NRDE2: variants seen among roughly 807,000 people sequenced by gnomAD.
NRDE2 encodes the protein NRDE-2, necessary for RNA interference, domain containing.
In NRDE2, 76 loss-of-function variants were observed where a neutral mutation model predicts 124.2. The observed-to-expected ratio is 0.61, with a 90% CI of 0.51 to 0.74. The LOEUF is 0.74. Among genes scored for constraint, NRDE2 ranks in the 30% least tolerant of loss-of-function variants. The pLI is 0.00. For missense variants in NRDE2, 1,314 were observed against 1,417.3 expected (o/e 0.93, Z 1.17); for synonymous variants, 489 against 528.1 (o/e 0.93, Z 1.01).
chr14:90,306,146 T>C (rs1884592184), intron 4 of NRDE2, among the ~76,000 whole-genome samples: 1 of 152,338 alleles, frequency 6.6e-6, no homozygotes, highest in African/African-American at 2.4e-5. Flanking sequence ...TTGCTGTATA[T>C]TAAAATTTTT....
rs373608673 is a variant in NRDE2 at position 90,288,719 on chromosome 14, A to C, written c.2656T>G (p.Leu886Val). 1.9e-6 allele frequency: 3 copies of C among 1,614,104 alleles called. No individual in the cohort carries two copies. Among genetic ancestry groups the C allele is most frequent in the Non-Finnish European group, 2.5e-6 (3 of 1,180,048 alleles). Residue 886 changes from leucine to valine, a missense_variant, in exon 11 of 14, where the codon TTG becomes GTG. Transcript: ENST00000354366. ...GGATTGGAGACACAGCTGTCACCCA[A>C]ACAGTCCTGCAGTGCGTGCTCATAA... is the stretch of plus-strand genomic sequence containing the variant. The part of the protein sequence containing the change: ...KAYEHALQDC[L>V]GDSCVSNPAP...
chr14:90,269,318 C>A lies in NRDE2; in HGVS notation c.*9018G>T. ...GAATGTTTGTTAAGGTGTTTTGTCA[C>A]AATGAGGTCTTTGCTGTAATTCCCC... On this transcript the variant is annotated 3_prime_UTR_variant, in exon 14 of 14. Coordinates refer to ENST00000354366, the MANE Select transcript of NRDE2 (RefSeq NM_017970.4). 1 of 1,276,860 alleles carries A rather than the reference C, an allele frequency of 7.8e-7. No individual in the cohort carries two copies. The highest frequency in any genetic ancestry group is 1.1e-6 in the Non-Finnish European group (1 of 923,620). The allele number at this position is 1,276,860 out of a possible 1,614,324, so 79.1% of individuals were successfully genotyped here.
chr14:90,322,630 T>G (rs954572204), intron 1 of NRDE2, among the ~76,000 whole-genome samples: 4 of 152,216 alleles, frequency 2.6e-5, no homozygotes, highest in Non-Finnish European at 5.9e-5. Context: ...TTACATAAGT[T>G]AATGAATACC....
At position 90,303,454 on chromosome 14, in the gene NRDE2, T is replaced by G. The variant is rs74453747; in HGVS notation, c.1006-329A>C. On this transcript the variant is annotated intron_variant, in intron 5 of 13. Coordinates refer to ENST00000354366, the MANE Select transcript of NRDE2 (RefSeq NM_017970.4). Reference sequence around the variant, plus strand: ...TGTGGCACAAAATATGGTAATTGTATGAGTGGTTCAAAATTAGGGATTCAG... The same window carrying G: ...TGTGGCACAAAATATGGTAATTGTAGGAGTGGTTCAAAATTAGGGATTCAG... Among the ~76,000 whole-genome samples the G allele has an allele frequency of 3.4e-3, 517 of 152,360 alleles. 3 individuals carry two copies. Among genetic ancestry groups the G allele is most frequent in the African/African-American group, 0.012 (504 of 41,588 alleles).
rs1891777801 is a variant in NRDE2 at position 90,275,245 on chromosome 14, G to GGACAT, written c.*3086_*3090dup. ...TCCTGAACTGGATCCTTTTCCTAGA[G>GGACAT]GACATGACTGGGCCTGAGGACCTGC... On this transcript the variant is annotated 3_prime_UTR_variant, in exon 14 of 14. Transcript: ENST00000354366. The GGACAT allele has an allele frequency of 1.3e-5, 2 of 152,152 alleles. No homozygotes were observed. The allele number at this position is 152,152 out of a possible 1,614,324, so 9.4% of individuals were successfully genotyped here.
Position 90,272,218 on chromosome 14 carries a change from T to G in NRDE2, c.*6118A>C. ...CTCAGAATAGGTTTTTTGGAATTCC[T>G]TGTTAGAATAAAAATGAGTATGTCA... On this transcript the variant is annotated 3_prime_UTR_variant, in exon 14 of 14. Coordinates refer to ENST00000354366, the MANE Select transcript of NRDE2 (RefSeq NM_017970.4). The surrounding 1 kb of genome is among the most constrained non-coding windows in gnomAD (Gnocchi z 4.5). 6.3e-7 allele frequency: 1 copy of G among 1,588,752 alleles called. No individual in the cohort carries two copies.
At chr14:90,317,731 A>G (rs1203062693) in intron 2 of NRDE2, 1 of 299,990 alleles carries the variant, frequency 3.3e-6, no homozygotes, top group African/African-American at 2.2e-5. Flanking sequence ...AAAGGTTACT[A>G]ATGAGGCTAG....
chr14:90,269,568 C>T lies in NRDE2; in HGVS notation c.*8768G>A, dbSNP rs1363771827. ...GACCAGGTTAAATTTGCTTTGGTTT[C>T]ATCATGGAGATTAATGTGTTTATAT... On this transcript the variant is annotated 3_prime_UTR_variant, in exon 14 of 14. Transcript: ENST00000354366. 6.2e-7 allele frequency: 1 copy of T among 1,610,294 alleles called. No homozygotes were observed. The highest frequency in any genetic ancestry group is 1.1e-5 in the South Asian group (1 of 90,522).
At chr14:90,303,218 G>T in intron 5 of NRDE2, 93 bp from the exon 6 acceptor site, 1 of 1,226,676 alleles carries the variant, frequency 8.2e-7, no homozygotes, top group Non-Finnish European at 1.1e-6. Flanking sequence ...CACCCCCTAG[G>T]GACTTTCTTA....
rs781278602 is a variant in NRDE2 at position 90,277,583 on chromosome 14, G to C, written c.*753C>G. 2.0e-5 allele frequency: 3 copies of C among 152,348 alleles called. No homozygotes were observed. The highest frequency in any genetic ancestry group is 7.2e-5 in the African/African-American group (3 of 41,466). 9.4% of individuals were successfully genotyped at this position (152,348 alleles called of 1,614,324 possible). A position where few individuals can be genotyped will look rare whatever the true frequency, so the allele number is the denominator to read the frequency against. On this transcript the variant is annotated 3_prime_UTR_variant, in exon 14 of 14. Transcript: ENST00000354366. ...AGCAGCGTTGCTGCACAAGCGTGCC[G>C]GGCCCCTCATGCAGGCAGGGCTGGG...
At chr14:90,283,606 C>T (rs1439546935) in intron 12 of NRDE2, among the ~76,000 whole-genome samples, 1 of 152,196 alleles carries the variant, frequency 6.6e-6, no homozygotes, top group African/African-American at 2.4e-5. Flanking sequence ...ACAGCAGCAT[C>T]CTGCCTGCAA....
At chr14:90,284,662 C>T (rs1238907434) in intron 12 of NRDE2, among the ~76,000 whole-genome samples, 1 of 152,192 alleles carries the variant, frequency 6.6e-6, no homozygotes, top group Non-Finnish European at 1.5e-5. Flanking sequence ...AGCCACCACA[C>T]CTGGCCAGGA....
At chr14:90,294,016 C>A (rs773356135) in intron 8 of NRDE2, among the ~76,000 whole-genome samples, 3 of 152,170 alleles carry the variant, frequency 2.0e-5, no homozygotes, top group Admixed American at 6.5e-5. Flanking sequence ...CAGCTTCATG[C>A]ATAATCGCCA....
chr14:90,272,257 CTCT>C lies in NRDE2; in HGVS notation c.*6076_*6078del, dbSNP rs780656977. ...ATGAGTATGTCACTTTCTGAACACA[CTCT>C]TCTTTCTTACAGGCAATCTGTACAG... is the stretch of plus-strand genomic sequence containing the variant. On this transcript the variant is annotated 3_prime_UTR_variant, in exon 14 of 14. Coordinates refer to ENST00000354366, the MANE Select transcript of NRDE2 (RefSeq NM_017970.4). The surrounding 1 kb of genome is among the most constrained non-coding windows in gnomAD (Gnocchi z 4.5). 10 of 1,601,244 alleles carry C rather than the reference CTCT, an allele frequency of 6.2e-6. No homozygotes were observed. The South Asian group carries it at 9.0e-5, about 14-fold the overall frequency.
chr14:90,306,259 A>G (rs1884597136), intron 4 of NRDE2, among the ~76,000 whole-genome samples: 1 of 152,214 alleles, frequency 6.6e-6, no homozygotes, highest in Non-Finnish European at 1.5e-5. Context: ...ACCTTGGTTC[A>G]GGGCCGGGCT....
In NRDE2 at chr14:90,273,016, T is replaced by A. The variant is rs569179578; in HGVS notation, c.*5320A>T. The A allele has an allele frequency of 6.6e-6, 1 of 152,194 alleles. No individual in the cohort carries two copies. The highest frequency in any genetic ancestry group is 1.9e-4 in the East Asian group (1 of 5,190). The allele number at this position is 152,194 out of a possible 1,614,324, so 9.4% of individuals were successfully genotyped here. On this transcript the variant is annotated 3_prime_UTR_variant, in exon 14 of 14. Coordinates refer to ENST00000354366, the MANE Select transcript of NRDE2 (RefSeq NM_017970.4). Reference sequence around the variant, plus strand: ...ATATCTTGAAAGCCCTTCTGAGCCCTTGGGCTCAGAAATCTCATCCCTTTC... The same window carrying A: ...ATATCTTGAAAGCCCTTCTGAGCCCATGGGCTCAGAAATCTCATCCCTTTC...
chr14:90,289,051 T>G lies in NRDE2; in HGVS notation c.2324A>C (p.Glu775Ala). The G allele has an allele frequency of 6.2e-7, 1 of 1,614,192 alleles. No individual in the cohort carries two copies. Among genetic ancestry groups the G allele is most frequent in the Non-Finnish European group, 8.5e-7 (1 of 1,180,010 alleles). The change falls in exon 11 of 14, where the codon GAA becomes GCA. Residue 775 changes from glutamate (E) to alanine (A), a missense_variant. Physicochemically the swap from Glu to Ala is moderately radical, Grantham distance 107. Transcript: ENST00000354366. ...CCACAGGCAAAAGTTGTTGCAGTTT[T>G]CTGGCTCCTTAAGGAGATTCTTGGC... is the stretch of plus-strand genomic sequence containing the variant. ...KLAKNLLKEP[E>A]NCNNFCLWKQ...
In NRDE2 at chr14:90,304,232, T is replaced by C; in HGVS notation, c.708A>G (p.Gly236=). ...GTTCAGTTTTACTGCTAATGGCAAC[T>C]CCATCGATGTTCATTAATCCCACAC... ...KKSVGLMNID[G]VAISSKTEPP... The change falls in exon 5 of 14, where the codon GGA becomes GGG. Residue 236 remains glycine, a synonymous_variant. Transcript: ENST00000354366. 1 of 1,614,100 alleles carries C rather than the reference T, an allele frequency of 6.2e-7. No homozygotes were observed. Among genetic ancestry groups the C allele is most frequent in the Non-Finnish European group, 8.5e-7 (1 of 1,180,010 alleles).
rs765730242 is a variant in NRDE2 at position 90,312,568 on chromosome 14, A to C, written c.408-25T>G. 6 of 1,612,450 alleles carry C rather than the reference A, an allele frequency of 3.7e-6. No individual in the cohort carries two copies. The East Asian group carries it at 8.9e-5, about 24-fold the overall frequency. ...ACTGTGGGACAAAGGAAGAAGAAGA[A>C]GGGAGAGGCACTTTAAAAAATCTTC... On this transcript the variant is annotated intron_variant, in intron 3 of 13. Coordinates refer to ENST00000354366, the MANE Select transcript of NRDE2 (RefSeq NM_017970.4).
Sources: gnomAD v4.1 joint callset for allele counts (sites outside exome capture counted in the v4.1 genomes callset) on GRCh38, gnomAD v4.1.1 for gene constraint, Gnocchi (gnomAD v3.1) non-coding constraint, MANE v1.5 for transcripts, NCBI Gene and HGNC (gene_info 2026-07-23, HGNC 2026-07-21) for gene names.